Variants in CTNND2 observed in about 807,000 individuals in gnomAD.
CTNND2 encodes the protein catenin delta-2.
Under a neutral mutation model 144.4 loss-of-function variants are expected in CTNND2, and 22 were observed. That is an observed-to-expected ratio of 0.15 (90% CI 0.11 to 0.22). The LOEUF (loss-of-function observed/expected upper bound fraction) is 0.22. Ranked by LOEUF, CTNND2 falls within the 10% of genes least tolerant of loss-of-function variation. The pLI is 1.00. For synonymous variants in CTNND2, 751 were observed against 695.6 expected (o/e 1.08, Z -1.25); for missense variants, 1,353 against 1,618.8 (o/e 0.84, Z 2.82).
intron 3 of CTNND2, among the ~76,000 whole-genome samples, chr5:11,414,857 T>C (rs768811625): frequency 6.6e-6 from 1 of 152,202 alleles, no homozygotes; most frequent in South Asian, 2.1e-4. Context: ...AGTCTTTGGT[T>C]TTCTGTCTCT....
rs1186128882 is a variant in CTNND2 at position 11,179,304 on chromosome 5, CAAAAAACA to C, written c.1976-19553_1976-19546del. Among the ~76,000 whole-genome samples, 258 of 150,950 alleles carry C rather than the reference CAAAAAACA, an allele frequency of 1.7e-3. 1 individual carries two copies. Among genetic ancestry groups the C allele is most frequent in the African/African-American group, 5.5e-3 (227 of 41,092 alleles). On this transcript the variant is annotated intron_variant, in intron 11 of 21. Coordinates refer to ENST00000304623, the MANE Select transcript of CTNND2 (RefSeq NM_001332.4). ...CGAGACTCCATCTCAAAAAAAAGCA[CAAAAAACA>C]AAAAAACAAAAAAACAAAAACAAAA... is the stretch of plus-strand genomic sequence containing the variant.
chr5:11,690,665 A>G (rs1257549799), intron 2 of CTNND2, among the ~76,000 whole-genome samples: 1 of 138,110 alleles, frequency 7.2e-6, no homozygotes, highest in East Asian at 2.5e-4. Context: ...GAACCCGGGA[A>G]GTGGAGCTTG....
intron 1 of CTNND2, among the ~76,000 whole-genome samples, chr5:11,759,182 C>T (rs2126801485): frequency 9.6e-6 from 1 of 104,144 alleles, no homozygotes; most frequent in South Asian, 4.3e-4. Flanking sequence ...TATAATCTAC[C>T]TTTTTATGTC....
chr5:11,373,208 G>A (rs115111458), intron 7 of CTNND2, among the ~76,000 whole-genome samples: 2,159 of 152,356 alleles, frequency 0.014, 25 homozygotes, highest in Non-Finnish European at 0.023. Flanking sequence ...TGGGGCAAGA[G>A]TCACTTCTAG....
intron 2 of CTNND2, among the ~76,000 whole-genome samples, chr5:11,731,484 C>A (rs1041043796): frequency 6.6e-6 from 1 of 152,206 alleles, no homozygotes; most frequent in African/African-American, 2.4e-5. Context: ...TTAGAAGAAG[C>A]AGTAACTAAA....
At chr5:11,339,871 A>G (rs1754067715) in intron 9 of CTNND2, among the ~76,000 whole-genome samples, 1 of 152,208 alleles carries the variant, frequency 6.6e-6, no homozygotes, top group Non-Finnish European at 1.5e-5. Flanking sequence ...CAAGCTACCC[A>G]GAGATATTTT....
At chr5:11,668,632 T>C (rs1211831626) in intron 2 of CTNND2, among the ~76,000 whole-genome samples, 1 of 152,240 alleles carries the variant, frequency 6.6e-6, no homozygotes, top group Admixed American at 6.5e-5. Flanking sequence ...GAGACTTTGC[T>C]AAAGTTGCAT....
Position 11,127,753 on chromosome 5 carries a change from T to C in CTNND2, c.2160-10186A>G, listed in dbSNP as rs948842538. Among the ~76,000 whole-genome samples the C allele has an allele frequency of 9.9e-5, 15 of 151,386 alleles. No homozygotes were observed. The Admixed American group carries it at 1.0e-3, about 10-fold the overall frequency. On this transcript the variant is annotated intron_variant, in intron 12 of 21. Coordinates refer to ENST00000304623, the MANE Select transcript of CTNND2 (RefSeq NM_001332.4). ...TCACAGGTTCACAGACGGAGAGAAGTTCTTCCCCAGGAGCTGTACTTAACA... is the reference window on the plus strand; with the variant it reads ...TCACAGGTTCACAGACGGAGAGAAGCTCTTCCCCAGGAGCTGTACTTAACA...
At chr5:11,797,710 G>A (rs1022612046) in intron 1 of CTNND2, among the ~76,000 whole-genome samples, 1 of 152,118 alleles carries the variant, frequency 6.6e-6, no homozygotes, top group Non-Finnish European at 1.5e-5. Flanking sequence ...ATGTTTGCTA[G>A]TATCCTAGAA....
At chr5:11,434,225 T>G (rs1013080223) in intron 3 of CTNND2, among the ~76,000 whole-genome samples, 1 of 152,056 alleles carries the variant, frequency 6.6e-6, no homozygotes, top group Non-Finnish European at 1.5e-5. Flanking sequence ...TTATACAAAA[T>G]AAAACATGCC....
At chr5:11,802,159 C>A (rs1203146279) in intron 1 of CTNND2, among the ~76,000 whole-genome samples, 1 of 152,062 alleles carries the variant, frequency 6.6e-6, no homozygotes, top group Non-Finnish European at 1.5e-5. Context: ...GTAATCCCAG[C>A]TACTCAGGGG....
intron 2 of CTNND2, among the ~76,000 whole-genome samples, chr5:11,684,227 G>A (rs960518033): frequency 7.9e-5 from 12 of 151,396 alleles, no homozygotes; most frequent in South Asian, 2.1e-4. Context: ...TCAGCCTCCC[G>A]AGTAGCTGGG....
At chr5:11,810,332 A>C (rs921836543) in intron 1 of CTNND2, among the ~76,000 whole-genome samples, 1 of 152,210 alleles carries the variant, frequency 6.6e-6, no homozygotes, top group South Asian at 2.1e-4. Flanking sequence ...AAAGGGCTTC[A>C]TGAAGGATAA....
chr5:11,741,496 C>G (rs927629687), intron 1 of CTNND2, among the ~76,000 whole-genome samples: 8 of 152,032 alleles, frequency 5.3e-5, no homozygotes, highest in African/African-American at 1.9e-4. Flanking sequence ...CATGTTCTCA[C>G]TCACAGGTGG....
At chr5:11,045,241 C>G (rs1440431949) in intron 16 of CTNND2, among the ~76,000 whole-genome samples, 3 of 152,146 alleles carry the variant, frequency 2.0e-5, no homozygotes, top group Non-Finnish European at 4.4e-5. Flanking sequence ...CATGGTTCTG[C>G]AGGCTGTACA....
chr5:11,584,117 T>TG (rs1778645702), intron 2 of CTNND2, among the ~76,000 whole-genome samples: 1 of 152,210 alleles, frequency 6.6e-6, no homozygotes, highest in South Asian at 2.1e-4. Context: ...CCATTAATGC[T>TG]GATGAAAATT....
chr5:11,565,006 G>C lies in CTNND2; in HGVS notation c.225C>G (p.Ile75Met), dbSNP rs767811043. 6.2e-7 allele frequency: 1 copy of C among 1,614,100 alleles called. No individual in the cohort carries two copies. The highest frequency in any genetic ancestry group is 1.1e-5 in the South Asian group (1 of 91,080). The change falls in exon 3 of 22, where the codon ATC becomes ATG. Residue 75 changes from isoleucine to methionine, a missense_variant. Transcript: ENST00000304623. ...LTRELEAERQIVASQLERCKL... is the reference protein window; with the variant it reads ...LTRELEAERQMVASQLERCKL... ...TGCATCGCTCCAGCTGGCTGGCTAC[G>C]ATCTGCCGTTCAGCCTCCAGCTCTC... is the stretch of plus-strand genomic sequence containing the variant.
intron 9 of CTNND2, among the ~76,000 whole-genome samples, chr5:11,332,073 C>T (rs564013000): frequency 5.9e-4 from 90 of 151,830 alleles, no homozygotes; most frequent in African/African-American, 1.9e-3. Context: ...GTCGGGAGTT[C>T]GAGAGCAGCC....
intron 3 of CTNND2, among the ~76,000 whole-genome samples, chr5:11,480,016 G>A (rs551643976): frequency 1.2e-4 from 19 of 152,140 alleles, no homozygotes; most frequent in Non-Finnish European, 2.8e-4. Flanking sequence ...AGTTTAATTA[G>A]ATCCCATTTG....
Sources: gnomAD v4.1 joint callset for allele counts (sites outside exome capture counted in the v4.1 genomes callset) on GRCh38, gnomAD v4.1.1 for gene constraint, MANE v1.5 for transcripts, NCBI Gene and HGNC (gene_info 2026-07-23, HGNC 2026-07-21) for gene names.